The following SEMA3E variants were observed in gnomAD, a reference collection of about 807,000 sequenced individuals.
SEMA3E encodes the protein semaphorin-3E.
A neutral mutation model predicts 93.6 loss-of-function variants in SEMA3E; 49 were observed. The observed-to-expected ratio is 0.52, with a 90% CI of 0.42 to 0.66. SEMA3E has a LOEUF of 0.66. Ranked by LOEUF, SEMA3E falls within the 30% of genes least tolerant of loss-of-function variation. The pLI, the probability that SEMA3E is intolerant of heterozygous loss-of-function variation, is 0.00. For missense variants in SEMA3E, 906 were observed against 964.8 expected, an observed-to-expected ratio of 0.94 and a Z score of 0.81; for synonymous variants, 363 against 330.7, an observed-to-expected ratio of 1.10 and a Z score of -1.06.
chr7:83,553,395 C>T (rs1043411535), intron 1 of SEMA3E, among the ~76,000 whole-genome samples: 5 of 152,198 alleles, frequency 3.3e-5, no homozygotes, highest in African/African-American at 4.8e-5. Flanking sequence ...CAGTCCTCCA[C>T]TTTGTACTCA....
At chr7:83,493,997 T>A (rs892500685) in intron 1 of SEMA3E, among the ~76,000 whole-genome samples, 1 of 151,888 alleles carries the variant, frequency 6.6e-6, no homozygotes, top group Non-Finnish European at 1.5e-5. Context: ...GATGTGAATG[T>A]TTATTATATA....
At chr7:83,460,978 C>T (rs1789604274) in intron 4 of SEMA3E, among the ~76,000 whole-genome samples, 2 of 152,072 alleles carry the variant, frequency 1.3e-5, no homozygotes, top group Admixed American at 1.3e-4. Flanking sequence ...TTCTCAAAAA[C>T]TTAAAAGCTC....
chr7:83,432,684 T>C (rs914898463), intron 4 of SEMA3E, among the ~76,000 whole-genome samples: 4 of 152,170 alleles, frequency 2.6e-5, no homozygotes, highest in African/African-American at 4.8e-5. Flanking sequence ...CATTAATTAG[T>C]GCCATGATTT....
intron 16 of SEMA3E, among the ~76,000 whole-genome samples, chr7:83,378,996 T>A (rs1389141707): frequency 6.6e-6 from 1 of 151,830 alleles, no homozygotes; most frequent in Non-Finnish European, 1.5e-5. Context: ...GGAATCAACC[T>A]GAATGTCTGT....
intron 1 of SEMA3E, among the ~76,000 whole-genome samples, chr7:83,497,063 G>A (rs565221910): frequency 6.6e-6 from 1 of 152,116 alleles, no homozygotes; most frequent in African/African-American, 2.4e-5. Flanking sequence ...TCTAAAGAGG[G>A]AACTAATTAT....
At chr7:83,440,848 G>T (rs919918802) in intron 4 of SEMA3E, among the ~76,000 whole-genome samples, 16 of 151,158 alleles carry the variant, frequency 1.1e-4, no homozygotes, top group African/African-American at 3.9e-4. Context: ...GGACAGCAGT[G>T]AGTAGCCCAG....
At chr7:83,518,464 A>G (rs1252387574) in intron 1 of SEMA3E, among the ~76,000 whole-genome samples, 1 of 152,052 alleles carries the variant, frequency 6.6e-6, no homozygotes, top group Non-Finnish European at 1.5e-5. Context: ...TTGTATAGAA[A>G]TGGGCTTTGG....
At chr7:83,427,208 CTTTT>C (rs991538125) in intron 4 of SEMA3E, among the ~76,000 whole-genome samples, 24 of 148,584 alleles carry the variant, frequency 1.6e-4, no homozygotes, top group African/African-American at 5.9e-4. Context: ...TTCTTTTTTT[CTTTT>C]TTCTTTCTTT....
At chr7:83,375,219 T>C (rs1443692566) in intron 16 of SEMA3E, among the ~76,000 whole-genome samples, 1 of 152,102 alleles carries the variant, frequency 6.6e-6, no homozygotes, top group African/African-American at 2.4e-5. Context: ...AATTTCCTAG[T>C]AACCAAAGGA....
chr7:83,597,539 T>C (rs1792901662), intron 1 of SEMA3E, among the ~76,000 whole-genome samples: 1 of 152,180 alleles, frequency 6.6e-6, no homozygotes, highest in South Asian at 2.1e-4. Flanking sequence ...AGTTCCTTTA[T>C]TACCAGCTTT....
At chr7:83,462,628 C>T (rs1789651954) in intron 4 of SEMA3E, among the ~76,000 whole-genome samples, 1 of 151,942 alleles carries the variant, frequency 6.6e-6, no homozygotes, top group African/African-American at 2.4e-5. Context: ...AACCTAATCA[C>T]CTTTACCCCA....
At chr7:83,431,605 T>C (rs2247932) in intron 4 of SEMA3E, among the ~76,000 whole-genome samples, 110,682 of 151,814 alleles carry the variant, frequency 0.73, 41,000 homozygotes, top group East Asian at 1. Context: ...GATTTTGCCA[T>C]GTTGGCCTGG....
At position 83,365,173 on chromosome 7, in the gene SEMA3E, GGAGA is replaced by G. The variant is rs1320753109; in HGVS notation, c.*2409_*2412del. On this transcript the variant is annotated 3_prime_UTR_variant, in exon 17 of 17. Coordinates refer to ENST00000643230, the MANE Select transcript of SEMA3E (RefSeq NM_012431.3). ...TGTGTGTGTGTGTTGGGAGAGAGAG[GGAGA>G]AACTGAGAAAATGGTGGGACATGAA... is the stretch of plus-strand genomic sequence containing the variant. 1 of 151,818 alleles carries G rather than the reference GGAGA, an allele frequency of 6.6e-6. No homozygotes were observed. Among genetic ancestry groups the G allele is most frequent in the Non-Finnish European group, 1.5e-5 (1 of 67,960 alleles). The allele number at this position is 151,818 out of a possible 1,614,324, so 9.4% of individuals were successfully genotyped here.
chr7:83,428,864 A>C (rs1001181066), intron 4 of SEMA3E, among the ~76,000 whole-genome samples: 17 of 152,132 alleles, frequency 1.1e-4, no homozygotes, highest in African/African-American at 4.1e-4. Flanking sequence ...CAGGGTCAAT[A>C]ATATTTTCCA....
At chr7:83,455,028 A>G (rs562027744) in intron 4 of SEMA3E, among the ~76,000 whole-genome samples, 1 of 152,334 alleles carries the variant, frequency 6.6e-6, no homozygotes, top group South Asian at 2.1e-4. Flanking sequence ...TTTGAAGCCA[A>G]TACTATCCAA....
chr7:83,399,339 C>A (rs1265530612), intron 11 of SEMA3E, among the ~76,000 whole-genome samples: 2 of 152,078 alleles, frequency 1.3e-5, no homozygotes, highest in Non-Finnish European at 2.9e-5. Flanking sequence ...ATTGAAATTA[C>A]AAATTTATTT....
intron 1 of SEMA3E, among the ~76,000 whole-genome samples, chr7:83,532,775 T>TG (rs1221395344): frequency 8.1e-6 from 1 of 124,078 alleles, no homozygotes; most frequent in Non-Finnish European, 1.9e-5. Flanking sequence ...AATTATTTCC[T>TG]GTTTTTTTTT....
At chr7:83,434,795 G>C (rs932847856) in intron 4 of SEMA3E, among the ~76,000 whole-genome samples, 4 of 144,262 alleles carry the variant, frequency 2.8e-5, no homozygotes, top group South Asian at 4.4e-4. Flanking sequence ...CTCACTGCAA[G>C]CTCCGCCTCC....
chr7:83,481,938 A>C (rs1365270309), intron 2 of SEMA3E, among the ~76,000 whole-genome samples: 2 of 152,238 alleles, frequency 1.3e-5, no homozygotes, highest in African/African-American at 4.8e-5. Flanking sequence ...CAGCAAGGAT[A>C]GTTAATACCC....
Sources: gnomAD v4.1 joint callset for allele counts (sites outside exome capture counted in the v4.1 genomes callset) on GRCh38, gnomAD v4.1.1 for gene constraint, MANE v1.5 for transcripts, NCBI Gene and HGNC (gene_info 2026-07-23, HGNC 2026-07-21) for gene names.